Variants in CAPN8 observed in about 807,000 individuals in gnomAD.
The protein encoded by CAPN8 is calpain 8.
A neutral mutation model predicts 80.9 loss-of-function variants in CAPN8; 87 were observed. The ratio of observed to expected loss-of-function variants is 1.07; its 90% CI spans 0.90 to 1.28. The LOEUF is 1.28. Among genes scored for constraint, CAPN8 ranks in the 50% most tolerant of loss-of-function variants. CAPN8 has a pLI of 0.00. For missense variants in CAPN8, 757 were observed against 702.0 expected, an observed-to-expected ratio of 1.08 and a Z score of -0.89; for synonymous variants, 299 against 273.8, an observed-to-expected ratio of 1.09 and a Z score of -0.91.
intron 6 of CAPN8, among the ~76,000 whole-genome samples, chr1:223,623,254 C>A (rs529114699): frequency 6.6e-6 from 1 of 152,282 alleles, no homozygotes; most frequent in Admixed American, 6.5e-5. Context: ...CACCAAAGCA[C>A]GGCAGTTAAC....
At chr1:223,646,102 A>G (rs1658184832) in intron 2 of CAPN8, among the ~76,000 whole-genome samples, 2 of 152,232 alleles carry the variant, frequency 1.3e-5, no homozygotes, top group South Asian at 4.1e-4. Flanking sequence ...GCCAGAAATC[A>G]GCAAGAACAG....
chr1:223,647,304 G>A (rs373628816), intron 2 of CAPN8, among the ~76,000 whole-genome samples: 5 of 152,138 alleles, frequency 3.3e-5, no homozygotes, highest in Admixed American at 6.5e-5. Context: ...GAATTGAGTC[G>A]CCCAAAAACT....
intron 18 of CAPN8, 138 bp downstream of exon 18, chr1:223,544,634 A>G (rs1053524005): frequency 1.6e-6 from 2 of 1,230,598 alleles, no homozygotes; most frequent in Admixed American, 4.6e-5. Context: ...AAGGTACTCA[A>G]CAAAGCTCTG....
Position 223,649,684 on chromosome 1 carries a change from C to T in CAPN8, c.307+4646G>A, listed in dbSNP as rs533800196. Among the ~76,000 whole-genome samples, 6 of 152,180 alleles carry T rather than the reference C, an allele frequency of 3.9e-5. No homozygotes were observed. In the East Asian group the frequency reaches 7.7e-4, roughly 20 times the overall value. ...TCTTAATTGCCAAAAGTGATACTGG[C>T]AAAGGAAAATGAAAAATACAAAAAG... On this transcript the variant is annotated intron_variant, in intron 2 of 20. Transcript: ENST00000366872.
intron 6 of CAPN8, among the ~76,000 whole-genome samples, chr1:223,625,546 T>A (rs1657546232): frequency 6.6e-6 from 1 of 152,166 alleles, no homozygotes; most frequent in Non-Finnish European, 1.5e-5. Context: ...ATCTTCCCAC[T>A]TCAGCCTCCC....
intron 1 of CAPN8, among the ~76,000 whole-genome samples, chr1:223,663,864 T>C (rs1413802403): frequency 2.0e-5 from 3 of 152,204 alleles, no homozygotes; most frequent in African/African-American, 7.2e-5. Flanking sequence ...AATAGTGATT[T>C]TGACCATTTT....
chr1:223,615,970 C>A lies in CAPN8; in HGVS notation c.1311G>T (p.Gln437His). Residue 437 changes from glutamine (Q) to histidine (H), a missense_variant and splice_region_variant, in exon 10 of 21, where the codon CAG becomes CAT. Transcript: ENST00000366872. The part of the protein sequence containing the change: ...GMLSIGYAVY[Q>H]VPKELESHTD... Reference sequence around the variant, plus strand: ...AAGGACAAACCCAGCACAGCAGTACCTGGTAGACGGCATAGCCGATGCTAA... The same window carrying A: ...AAGGACAAACCCAGCACAGCAGTACATGGTAGACGGCATAGCCGATGCTAA... 1.3e-6 allele frequency: 2 copies of A among 1,552,232 alleles called. No individual in the cohort carries two copies. The highest frequency in any genetic ancestry group is 8.7e-7 in the Non-Finnish European group (1 of 1,147,106).
At chr1:223,612,087 T>C (rs1233959748) in intron 11 of CAPN8, among the ~76,000 whole-genome samples, 159 bp downstream of exon 11, 1 of 152,186 alleles carries the variant, frequency 6.6e-6, no homozygotes. Context: ...CTCTCAGAGC[T>C]ACCAGCCTAC....
chr1:223,626,423 A>G (rs902972885), intron 5 of CAPN8, among the ~76,000 whole-genome samples: 1 of 152,084 alleles, frequency 6.6e-6, no homozygotes, highest in Admixed American at 6.6e-5. Context: ...AGGACAAGAG[A>G]GGAAGACAGG....
chr1:223,615,815 C>T, intron 10 of CAPN8, 155 bp downstream of exon 10: 1 of 875,890 alleles, frequency 1.1e-6, no homozygotes. Flanking sequence ...ATTCAGGCCT[C>T]AGTAAGGCCA....
At chr1:223,639,858 C>T (rs1051746770) in intron 2 of CAPN8, among the ~76,000 whole-genome samples, 9 of 152,226 alleles carry the variant, frequency 5.9e-5, no homozygotes, top group Admixed American at 1.3e-4. Flanking sequence ...TCAAGTGACC[C>T]CCCAAGGCCA....
At position 223,665,681 on chromosome 1, in the gene CAPN8, G is replaced by A; in HGVS notation, c.-35C>T. ...CTCTGTAGGGTGGACAGAAGGGCAG[G>A]GCTGCACTGTACTCTCAGACACCTG... On this transcript the variant is annotated 5_prime_UTR_variant, in exon 1 of 21. Coordinates refer to ENST00000366872, the MANE Select transcript of CAPN8 (RefSeq NM_001143962.2). 2.0e-6 allele frequency: 3 copies of A among 1,506,096 alleles called. No individual in the cohort carries two copies. Among genetic ancestry groups the A allele is most frequent in the Non-Finnish European group, 1.8e-6 (2 of 1,107,460 alleles). 93.3% of individuals were successfully genotyped at this position (1,506,096 alleles called of 1,614,324 possible).
intron 2 of CAPN8, among the ~76,000 whole-genome samples, chr1:223,629,232 T>TGTGTGTGTG (rs68132305): frequency 0.019 from 2,457 of 132,566 alleles, 35 homozygotes; most frequent in African/African-American, 0.028. Context: ...GTGTGTGTGT[T>TGTGTGTGTG]TATGTTCCTT....
At chr1:223,641,128 T>C (rs1489655837) in intron 2 of CAPN8, among the ~76,000 whole-genome samples, 1 of 152,152 alleles carries the variant, frequency 6.6e-6, no homozygotes, top group Non-Finnish European at 1.5e-5. Flanking sequence ...TTTGAAAGTT[T>C]TCATGATTCT....
intron 2 of CAPN8, among the ~76,000 whole-genome samples, chr1:223,638,177 A>G (rs1198875916): frequency 9.2e-5 from 14 of 152,208 alleles, no homozygotes; most frequent in Admixed American, 9.2e-4. Flanking sequence ...TATTTACATA[A>G]CATTTACACT....
chr1:223,642,842 G>C (rs1279669793), intron 2 of CAPN8: 1 of 456,230 alleles, frequency 2.2e-6, no homozygotes, highest in East Asian at 6.9e-5. Context: ...TTCTGTGATT[G>C]TGGAAGGAAT....
intron 16 of CAPN8, among the ~76,000 whole-genome samples, chr1:223,548,420 G>A (rs1231433477): frequency 6.6e-6 from 1 of 152,138 alleles, no homozygotes; most frequent in African/African-American, 2.4e-5. Flanking sequence ...GCTATAGACT[G>A]AGTGTTTTTG....
intron 16 of CAPN8, 140 bp downstream of exon 16, chr1:223,549,178 T>C (rs1337476442): frequency 9.0e-7 from 1 of 1,113,234 alleles, no homozygotes; most frequent in Non-Finnish European, 1.3e-6. Context: ...TCAAGTACAA[T>C]CCTTGACATA....
At chr1:223,550,525 G>A (rs1049145432) in intron 15 of CAPN8, among the ~76,000 whole-genome samples, 4 of 152,160 alleles carry the variant, frequency 2.6e-5, no homozygotes, top group Non-Finnish European at 5.9e-5. Context: ...GGACAGTCTA[G>A]GAGAGTCAGA....
Sources: allele counts gnomAD v4.1 joint callset (sites outside exome capture counted in the v4.1 genomes callset), GRCh38; gene constraint gnomAD v4.1.1; transcripts MANE v1.5; gene names NCBI Gene and HGNC (gene_info 2026-07-23, HGNC 2026-07-21).